Variants in ABCA4 observed in about 807,000 individuals in gnomAD.
ABCA4 encodes retinal-specific phospholipid-transporting ATPase ABCA4.
ABCA4 carries 196 observed loss-of-function variants against 263.7 expected under a neutral mutation model. The observed-to-expected ratio is 0.74, with a 90% confidence interval of 0.66 to 0.84. ABCA4 has a LOEUF of 0.84. ABCA4 is among the 40% of genes least tolerant of loss of function. ABCA4 has a pLI of 0.00. For missense variants in ABCA4, 2,792 were observed against 2,855.1 expected, an observed-to-expected ratio of 0.98 and a Z score of 0.50; for synonymous variants, 1,133 against 1,094.2, an observed-to-expected ratio of 1.04 and a Z score of -0.70.
rs370767358 is a variant in ABCA4 at position 94,021,697 on chromosome 1, C to T, written c.4791G>A (p.Glu1597=). The part of the protein sequence containing the change: ...MNVSGGPITR[E]ASKEIPDFLK... Reference sequence around the variant, plus strand: ...GGAAATCAGGTATTTCTTTAGAGGCCTCTCTAGTGATAGGGCCCTAAAAAC... The same window carrying T: ...GGAAATCAGGTATTTCTTTAGAGGCTTCTCTAGTGATAGGGCCCTAAAAAC... The change falls in exon 34 of 50, where the codon GAG becomes GAA. Residue 1597 remains glutamate (E), a synonymous_variant. Coordinates refer to ENST00000370225, the MANE Select transcript of ABCA4 (RefSeq NM_000350.3). 4 of 1,613,162 alleles carry T rather than the reference C, an allele frequency of 2.5e-6. No individual in the cohort carries two copies. In the African/African-American group the frequency reaches 5.3e-5, roughly 22 times the overall value.
intron 6 of ABCA4, among the ~76,000 whole-genome samples, chr1:94,095,582 GGCCCCGGAGCAACCCCT>G (rs927837631): frequency 1.3e-5 from 2 of 152,018 alleles, no homozygotes; most frequent in African/African-American, 4.8e-5. Flanking sequence ...CCCCTTCCCT[GGCCCCGGAGCAACCCCT>G]GCCTGCCTGA....
chr1:94,112,966 T>C lies in ABCA4; in HGVS notation c.160+7A>G. On this transcript the variant is annotated splice_region_variant and intron_variant, in intron 2 of 49. Coordinates refer to ENST00000370225, the MANE Select transcript of ABCA4 (RefSeq NM_000350.3). Reference sequence around the variant, plus strand: ...AGGGCTTGCCCAAGCTACCCTGCTATGCTTACATTCATGATGGCTGTAGAG... The same window carrying C: ...AGGGCTTGCCCAAGCTACCCTGCTACGCTTACATTCATGATGGCTGTAGAG... The C allele has an allele frequency of 6.2e-7, 1 of 1,610,924 alleles. No individual in the cohort carries two copies. The highest frequency in any genetic ancestry group is 8.5e-7 in the Non-Finnish European group (1 of 1,177,056).
chr1:94,100,887 G>A (rs1172233007), intron 5 of ABCA4, among the ~76,000 whole-genome samples: 1 of 152,212 alleles, frequency 6.6e-6, no homozygotes, highest in African/African-American at 2.4e-5. Flanking sequence ...TGCTGATAAG[G>A]AGCCCCGGAA....
chr1:94,030,940 T>C, intron 28 of ABCA4, 56 bp downstream of exon 28: 1 of 1,612,334 alleles, frequency 6.2e-7, no homozygotes, highest in Non-Finnish European at 8.5e-7. Flanking sequence ...CTAAGCAGCA[T>C]GTGACCCAGG....
chr1:94,003,203 CCTT>C (rs1197325275), intron 44 of ABCA4, among the ~76,000 whole-genome samples: 1 of 152,104 alleles, frequency 6.6e-6, no homozygotes, highest in South Asian at 2.1e-4. Context: ...CCAATAATAT[CCTT>C]CTATCATTTT....
At position 94,029,550 on chromosome 1, in the gene ABCA4, T is replaced by C. The variant is rs1660140055; in HGVS notation, c.4434A>G (p.Lys1478=). Residue 1478 remains lysine, a synonymous_variant, in exon 30 of 50, where the codon AAA becomes AAG. Transcript: ENST00000370225. The stretch of plus-strand genomic sequence containing the variant: ...ATGGTGAAGGGTTGACCTGTGTCCA[T>C]TTCTGCTTCTGGAACAGCTGGGTGA... The part of the protein sequence containing the change: ...PNITQLFQKQ[K]WTQVNPSPSC... The C allele has an allele frequency of 6.2e-7, 1 of 1,613,488 alleles. No individual in the cohort carries two copies. Among genetic ancestry groups the C allele is most frequent in the Non-Finnish European group, 8.5e-7 (1 of 1,179,836 alleles).
chr1:94,019,800 G>T (rs1317213924), intron 35 of ABCA4, 41 bp from the exon 36 acceptor site: 1 of 1,587,032 alleles, frequency 6.3e-7, no homozygotes, highest in Admixed American at 1.8e-5. Context: ...GCGATGAAGA[G>T]GGAAGAGCAG....
chr1:94,050,525 T>G (rs912111877), intron 17 of ABCA4, among the ~76,000 whole-genome samples: 1 of 152,260 alleles, frequency 6.6e-6, no homozygotes, highest in Non-Finnish European at 1.5e-5. Flanking sequence ...GGCAAACATA[T>G]TTGTGATTCA....
intron 16 of ABCA4, among the ~76,000 whole-genome samples, chr1:94,052,861 A>C (rs1365970722): frequency 1.3e-5 from 2 of 152,174 alleles, no homozygotes; most frequent in Non-Finnish European, 2.9e-5. Flanking sequence ...ATTCATAATA[A>C]GCCCCTTCCT....
chr1:94,061,651 C>A (rs1661132563), intron 13 of ABCA4, among the ~76,000 whole-genome samples: 1 of 152,160 alleles, frequency 6.6e-6, no homozygotes, highest in African/African-American at 2.4e-5. Flanking sequence ...CCTATTGCCT[C>A]CCCACACCCA....
At chr1:94,098,644 C>G in intron 6 of ABCA4, 150 bp downstream of exon 6, 1 of 848,448 alleles carries the variant, frequency 1.2e-6, no homozygotes, top group Non-Finnish European at 1.9e-6. Flanking sequence ...GAAATACTAT[C>G]AGTTGTGATT....
At chr1:94,012,916 C>T (rs1437750509) in intron 38 of ABCA4, among the ~76,000 whole-genome samples, 3 of 152,164 alleles carry the variant, frequency 2.0e-5, no homozygotes, top group African/African-American at 4.8e-5. Context: ...TCACACGGGC[C>T]GGCAGCTGCT....
intron 6 of ABCA4, among the ~76,000 whole-genome samples, chr1:94,084,261 G>T (rs556547058): frequency 2.0e-5 from 3 of 152,360 alleles, no homozygotes; most frequent in African/African-American, 7.2e-5. Flanking sequence ...TGTAAAGACA[G>T]TGGTTTTCCA....
At position 94,082,576 on chromosome 1, in the gene ABCA4, T is replaced by G. The variant is rs141538539; in HGVS notation, c.858+776A>C. Among the ~76,000 whole-genome samples, 1,035 of 152,306 alleles carry G rather than the reference T, an allele frequency of 6.8e-3. 11 individuals carry two copies. The highest frequency in any genetic ancestry group is 0.024 in the African/African-American group (1,007 of 41,562). Reference sequence around the variant, plus strand: ...CATACTCGGCCCAGGTTGAGATGCGTTTTATAAAGACAGATTCCAACCATG... The same window carrying G: ...CATACTCGGCCCAGGTTGAGATGCGGTTTATAAAGACAGATTCCAACCATG... On this transcript the variant is annotated intron_variant, in intron 7 of 49. Transcript: ENST00000370225.
chr1:94,120,898 C>CA, intron 1 of ABCA4, 82 bp downstream of exon 1: 13 of 746,050 alleles, frequency 1.7e-5, no homozygotes, highest in East Asian at 5.7e-5. Context: ...CCCCACCACC[C>CA]TACCCCACCA....
At position 94,033,453 on chromosome 1, in the gene ABCA4, C is replaced by T. The variant is rs899242692; in HGVS notation, c.3863-1410G>A. Among the ~76,000 whole-genome samples the T allele has an allele frequency of 4.8e-5, 7 of 144,568 alleles. No individual in the cohort carries two copies. In the East Asian group the frequency reaches 1.4e-3, roughly 29 times the overall value. 94.8% of individuals were successfully genotyped at this position (144,568 alleles called of 152,430 possible). A position where few individuals can be genotyped will look rare whatever the true frequency, so the allele number is the denominator to read the frequency against. Reference sequence around the variant, plus strand: ...AAAAAAAAAAGAAAAAAAAAAAGAACATTTCACAGGATTGGTTTGGAAATT... The same window carrying T: ...AAAAAAAAAAGAAAAAAAAAAAGAATATTTCACAGGATTGGTTTGGAAATT... On this transcript the variant is annotated intron_variant, in intron 26 of 49. Coordinates refer to ENST00000370225, the MANE Select transcript of ABCA4 (RefSeq NM_000350.3).
chr1:94,073,298 C>A (rs921372068), intron 11 of ABCA4, among the ~76,000 whole-genome samples: 2 of 152,168 alleles, frequency 1.3e-5, no homozygotes, highest in African/African-American at 4.8e-5. Context: ...AGATCAGAAA[C>A]CACATCATCA....
chr1:94,079,253 A>T (rs969768493), intron 9 of ABCA4, 69 bp downstream of exon 9: 145 of 1,470,212 alleles, frequency 9.9e-5, no homozygotes, highest in Non-Finnish European at 1.2e-4. Context: ...TCTCTCTCAC[A>T]CACACACACA....
At position 94,014,057 on chromosome 1, in the gene ABCA4, G is replaced by T. The variant is rs143779350; in HGVS notation, c.5460+486C>A. Among the ~76,000 whole-genome samples, 904 of 152,232 alleles carry T rather than the reference G, an allele frequency of 5.9e-3. 12 individuals carry two copies. The highest frequency in any genetic ancestry group is 0.021 in the African/African-American group (863 of 41,524). ...AAAACCCAACACCCAAAGTCCCTGA[G>T]AAAACCTTTCTGAAAGAGTAAGCAA... is the stretch of plus-strand genomic sequence containing the variant. On this transcript the variant is annotated intron_variant, in intron 38 of 49. Coordinates refer to ENST00000370225, the MANE Select transcript of ABCA4 (RefSeq NM_000350.3).
Sources: allele counts gnomAD v4.1 joint callset (sites outside exome capture counted in the v4.1 genomes callset), GRCh38; gene constraint gnomAD v4.1.1; transcripts MANE v1.5; gene names NCBI Gene and HGNC (gene_info 2026-07-23, HGNC 2026-07-21).